Variants in RPL3L observed in about 807,000 individuals in gnomAD.
RPL3L encodes ribosomal protein L3 like.
RPL3L carries 44 observed loss-of-function variants against 44.5 expected under a neutral mutation model. That is an observed-to-expected ratio of 0.99 (90% CI 0.78 to 1.27). The LOEUF is 1.27. RPL3L is among the 50% of genes most tolerant of loss of function. The pLI, the probability that RPL3L is intolerant of heterozygous loss-of-function variation, is 0.00. For missense variants in RPL3L, 631 were observed against 569.1 expected, an observed-to-expected ratio of 1.11 and a Z score of -1.11; for synonymous variants, 292 against 230.7, an observed-to-expected ratio of 1.27 and a Z score of -2.41.
chr16:1,951,641 C>G (rs1013092340), intron 3 of RPL3L, among the ~76,000 whole-genome samples: 1 of 151,878 alleles, frequency 6.6e-6, no homozygotes, highest in Non-Finnish European at 1.5e-5. Context: ...CTTAGCCTCC[C>G]AAAGTGCTGG....
intron 2 of RPL3L, 39 bp from the exon 3 acceptor site, chr16:1,953,081 C>T: frequency 6.4e-7 from 1 of 1,554,226 alleles, no homozygotes; most frequent in Non-Finnish European, 8.7e-7. Context: ...AGGGGGACCT[C>T]CTGAGGCCTG....
chr16:1,947,008 G>A lies in RPL3L; in HGVS notation c.779C>T (p.Ala260Val), dbSNP rs1406471711. ...CCGAGCAATGGAGCAGCCCACGCGG[G>A]CGGGGTGCCAGGCGCCAATGCAGGC... ...KVACIGAWHPARVGCSIARAG... is the reference protein window; with the variant it reads ...KVACIGAWHPVRVGCSIARAG... The change falls in exon 6 of 10, where the codon GCC becomes GTC. Residue 260 changes from alanine (A) to valine (V), a missense_variant. By Grantham distance (64) the Ala-to-Val change is moderately conservative. Coordinates refer to ENST00000268661, the MANE Select transcript of RPL3L (RefSeq NM_005061.3). The A allele has an allele frequency of 4.3e-6, 7 of 1,612,038 alleles. No individual in the cohort carries two copies. Among genetic ancestry groups the A allele is most frequent in the Non-Finnish European group, 5.1e-6 (6 of 1,179,704 alleles).
rs2083114088 is a variant in RPL3L, at chr16:1,945,501, T to C, written c.1165A>G (p.Met389Val). ...FQTAQEKRAFMGPQKKHLEKE... is the reference protein window; with the variant it reads ...FQTAQEKRAFVGPQKKHLEKE... Reference sequence around the variant, plus strand: ...AAGGATGGGGGCGGTGAGCTCACCATGAAGGCCCTCTTCTCTTGGGCTGTC... The same window carrying C: ...AAGGATGGGGGCGGTGAGCTCACCACGAAGGCCCTCTTCTCTTGGGCTGTC... The change falls in exon 9 of 10, where the codon ATG (methionine) becomes GTG (valine). Residue 389 changes from methionine (M) to valine (V), a missense_variant and splice_region_variant. Transcript: ENST00000268661. 1 of 1,611,052 alleles carries C rather than the reference T, an allele frequency of 6.2e-7. No homozygotes were observed. The highest frequency in any genetic ancestry group is 8.5e-7 in the Non-Finnish European group (1 of 1,178,726).
chr16:1,944,977 G>A, intron 9 of RPL3L, 84 bp from the exon 10 acceptor site: 1 of 1,574,390 alleles, frequency 6.4e-7, no homozygotes, highest in East Asian at 2.2e-5. Flanking sequence ...AGATCACTCA[G>A]GGCCGGCCCT....
rs569535230 is a variant in RPL3L at position 1,953,947 on chromosome 16, G to A, written c.196+9C>T. On this transcript the variant is annotated intron_variant, in intron 2 of 9. Coordinates refer to ENST00000268661, the MANE Select transcript of RPL3L (RefSeq NM_005061.3). ...TCCCCCTCCCCCAAGGGTCCCAACT[G>A]TGACTCACTGAGCCCCGGCCGGTGC... 39 of 1,511,624 alleles carry A rather than the reference G, an allele frequency of 2.6e-5. No individual in the cohort carries two copies. The highest frequency in any genetic ancestry group is 3.3e-5 in the Non-Finnish European group (37 of 1,124,328). 93.6% of individuals were successfully genotyped at this position (1,511,624 alleles called of 1,614,324 possible). A position where few individuals can be genotyped will look rare whatever the true frequency, so the allele number is the denominator to read the frequency against.
At chr16:1,945,298 T>G (rs1045826257) in intron 9 of RPL3L, among the ~76,000 whole-genome samples, 4 of 146,484 alleles carry the variant, frequency 2.7e-5, no homozygotes, top group Admixed American at 7.1e-5. Flanking sequence ...GAGGTGGCAG[T>G]GAGCCAAGAT....
chr16:1,949,265 T>G (rs200832616), intron 4 of RPL3L, among the ~76,000 whole-genome samples: 1 of 59,028 alleles, frequency 1.7e-5, no homozygotes, highest in Non-Finnish European at 3.4e-5. Flanking sequence ...TTTTCTTTTT[T>G]TTTTTTTTTT....
chr16:1,953,520 T>C (rs970968886), intron 2 of RPL3L, among the ~76,000 whole-genome samples: 1 of 152,196 alleles, frequency 6.6e-6, no homozygotes, highest in Non-Finnish European at 1.5e-5. Context: ...ATGCCCGGCC[T>C]GCATTATTTC....
chr16:1,952,557 G>T (rs1375930672), intron 3 of RPL3L, among the ~76,000 whole-genome samples: 1 of 151,326 alleles, frequency 6.6e-6, no homozygotes, highest in Non-Finnish European at 1.5e-5. Context: ...GTATTTTTTG[G>T]TAGAGATGGG....
chr16:1,948,089 C>T (rs1390151527), intron 4 of RPL3L, among the ~76,000 whole-genome samples: 2 of 151,750 alleles, frequency 1.3e-5, no homozygotes, highest in Non-Finnish European at 2.9e-5. Context: ...AGGTGCCCGC[C>T]ACCTCGACCA....
At chr16:1,952,771 C>G in intron 3 of RPL3L, 103 bp downstream of exon 3, 1 of 1,359,468 alleles carries the variant, frequency 7.4e-7, no homozygotes, top group Admixed American at 2.0e-5. Context: ...ACTTCGCTTC[C>G]TACTCACCCA....
At position 1,947,283 on chromosome 16, in the gene RPL3L, C is replaced by T. The variant is rs141796888; in HGVS notation, c.599G>A (p.Arg200Gln). 9.5e-3 allele frequency: 15,391 copies of T among 1,613,300 alleles called. 159 individuals carry two copies. Among genetic ancestry groups the T allele is most frequent in the Non-Finnish European group, 0.01 (12,043 of 1,179,848 alleles). The change falls in exon 5 of 10, where the codon CGG (arginine) becomes CAG (glutamine). Residue 200 changes from arginine (R) to glutamine (Q), a missense_variant. Coordinates refer to ENST00000268661, the MANE Select transcript of RPL3L (RefSeq NM_005061.3). Reference protein sequence around the residue: ...VAEKVAWAQARLEKQVPVHSV... With the variant: ...VAEKVAWAQAQLEKQVPVHSV... ...GTGCACGGGCACCTGCTTCTCCAGC[C>T]GGGCCTGGGCCCAGGCCACCTTCTC...
Position 1,952,884 on chromosome 16 carries a change from A to G in RPL3L, c.355T>C (p.Tyr119His). 6.2e-7 allele frequency: 1 copy of G among 1,613,902 alleles called. No individual in the cohort carries two copies. Among genetic ancestry groups the G allele is most frequent in the African/African-American group, 1.3e-5 (1 of 75,044 alleles). Residue 119 changes from tyrosine (Y) to histidine (H), a missense_variant, in exon 3 of 10, where the codon TAC becomes CAC. Transcript: ENST00000268661. The stretch of plus-strand genomic sequence containing the variant: ...AAGGGCGGTGCTCACCAGTCCTTGT[A>G]GAATCGGCGCCGGCACTCATCACTG... ...HLSDECRRRFYKDWHKSKKKA... is the reference protein window; with the variant it reads ...HLSDECRRRFHKDWHKSKKKA...
chr16:1,945,793 G>A (rs2083116340), intron 8 of RPL3L, 42 bp downstream of exon 8: 2 of 1,610,398 alleles, frequency 1.2e-6, no homozygotes, highest in East Asian at 4.5e-5. Flanking sequence ...CAGGCTGGCA[G>A]CCCTCGGGCA....
intron 1 of RPL3L, among the ~76,000 whole-genome samples, 156 bp from the exon 2 acceptor site, chr16:1,954,304 G>A (rs1490791419): frequency 2.0e-5 from 3 of 152,140 alleles, no homozygotes; most frequent in Non-Finnish European, 2.9e-5. Flanking sequence ...GGAGAGGAAG[G>A]TTCACCAAGG....
chr16:1,953,147 C>T (rs1323973494), intron 2 of RPL3L, 105 bp from the exon 3 acceptor site: 4 of 1,172,574 alleles, frequency 3.4e-6, no homozygotes, highest in Non-Finnish European at 4.7e-6. Context: ...AGTGTGGGGC[C>T]AGCCAGGACA....
At position 1,947,215 on chromosome 16, in the gene RPL3L, TGA is replaced by T; in HGVS notation, c.665_666del (p.Val222AspfsTer24). ...CTACCTTTGACGCCTCGACCCTTGG[TGA>T]CAGCAATGACATCAATGACCTCACT... ...SQSEVIDVIA[V>X]TKGRGVKGVT... On this transcript the variant is annotated frameshift_variant, in exon 5 of 10. Transcript: ENST00000268661. LOFTEE classifies it high-confidence loss of function. 1.2e-6 allele frequency: 2 copies of T among 1,612,858 alleles called. No homozygotes were observed. The highest frequency in any genetic ancestry group is 4.5e-5 in the East Asian group (2 of 44,816).
At chr16:1,948,229 G>C (rs191375077) in intron 4 of RPL3L, among the ~76,000 whole-genome samples, 1 of 149,676 alleles carries the variant, frequency 6.7e-6, no homozygotes, top group Non-Finnish European at 1.5e-5. Context: ...GAGCCACCAC[G>C]CCCGGCCTTT....
intron 4 of RPL3L, among the ~76,000 whole-genome samples, chr16:1,948,426 T>A (rs547094208): frequency 6.6e-6 from 1 of 152,090 alleles, no homozygotes; most frequent in Non-Finnish European, 1.5e-5. Context: ...GGGTTTCCCA[T>A]GTTGGCCAGG....
Sources: gnomAD v4.1 joint callset for allele counts (sites outside exome capture counted in the v4.1 genomes callset) on GRCh38, gnomAD v4.1.1 for gene constraint, MANE v1.5 for transcripts, NCBI Gene and HGNC (gene_info 2026-07-23, HGNC 2026-07-21) for gene names.